The following CCT3 variants were observed in gnomAD, a reference collection of about 807,000 sequenced individuals.
CCT3 encodes T-complex protein 1 subunit gamma.
CCT3 carries 10 observed loss-of-function variants against 65.3 expected under a neutral mutation model. The observed-to-expected ratio is 0.15, with a 90% CI of 0.09 to 0.26. The LOEUF (loss-of-function observed/expected upper bound fraction) is 0.26. Ranked by LOEUF, CCT3 falls within the 10% of genes least tolerant of loss-of-function variation. The probability of loss-of-function intolerance (pLI) is 1.00; values close to 1 mark genes in which losing one functional copy is unlikely to be tolerated. For synonymous variants in CCT3, 225 were observed against 242.3 expected (o/e 0.93, Z 0.66); for missense variants, 626 against 708.7 (o/e 0.88, Z 1.33).
intron 10 of CCT3, among the ~76,000 whole-genome samples, chr1:156,313,906 G>A (rs145100503): frequency 5.8e-4 from 88 of 152,228 alleles, no homozygotes; most frequent in African/African-American, 1.4e-3. Context: ...TGGCCAACAT[G>A]GTGAAAACCC....
chr1:156,319,057 G>A, intron 7 of CCT3, 40 bp from the exon 8 acceptor site: 1 of 1,529,128 alleles, frequency 6.5e-7, no homozygotes, highest in Non-Finnish European at 8.8e-7. Context: ...ACAATCAAGA[G>A]ACAATTTCTT....
At chr1:156,337,507 C>G in intron 1 of CCT3, 1 of 168,910 alleles carries the variant, frequency 5.9e-6, no homozygotes, top group South Asian at 1.2e-4. Context: ...AAGAGTACAA[C>G]GCCGGGGACA....
At position 156,318,716 on chromosome 1, in the gene CCT3, A is replaced by C. The variant is rs1176504912; in HGVS notation, c.759+152T>G. The C allele has an allele frequency of 1.1e-5, 7 of 653,228 alleles. No homozygotes were observed. The African/African-American group carries it at 1.3e-4, about 12-fold the overall frequency. The allele number at this position is 653,228 out of a possible 1,614,324, so 40.5% of individuals were successfully genotyped here. ...TTCAGATCCCTCATCTGTAAAATGA[A>C]ATCAATACCAACTATTCTAAAGGAT... On this transcript the variant is annotated intron_variant, in intron 8 of 13. Coordinates refer to ENST00000295688, the MANE Select transcript of CCT3 (RefSeq NM_005998.5).
Position 156,338,142 on chromosome 1 carries a change from C to T in CCT3, c.31+12G>A. On this transcript the variant is annotated intron_variant, in intron 1 of 13. Coordinates refer to ENST00000295688, the MANE Select transcript of CCT3 (RefSeq NM_005998.5). ...AAAAGGGGGTCCATTTCCTGGCATC[C>T]CCAGAACTCACTGAGCACGAGCACT... The T allele has an allele frequency of 6.3e-7, 1 of 1,583,308 alleles. No individual in the cohort carries two copies.
At position 156,317,157 on chromosome 1, in the gene CCT3, C is replaced by G. The variant is rs373109373; in HGVS notation, c.974+9G>C. The G allele has an allele frequency of 4.9e-5, 79 of 1,611,792 alleles. No individual in the cohort carries two copies. Among genetic ancestry groups the G allele is most frequent in the Non-Finnish European group, 6.3e-5 (74 of 1,177,972 alleles). On this transcript the variant is annotated intron_variant, in intron 10 of 13. Coordinates refer to ENST00000295688, the MANE Select transcript of CCT3 (RefSeq NM_005998.5). ...GAAGAAAAGTCTTGTTTTTACCTGG[C>G]CTACTCACCTAGCAATGCGATTATT...
At chr1:156,310,729 C>T in intron 12 of CCT3, 40 bp from the exon 13 acceptor site, 1 of 1,606,292 alleles carries the variant, frequency 6.2e-7, no homozygotes, top group Non-Finnish European at 8.5e-7. Context: ...AATAAGTTAA[C>T]AGGAAACATC....
chr1:156,329,303 C>CTT (rs765770849), intron 5 of CCT3, among the ~76,000 whole-genome samples: 22,660 of 119,236 alleles, frequency 0.19, 2,369 homozygotes, highest in South Asian at 0.27. Context: ...GTATCCCCAT[C>CTT]TTTTTTTTTT....
At position 156,318,806 on chromosome 1, in the gene CCT3, G is replaced by T. The variant is rs1275968092; in HGVS notation, c.759+62C>A. 12 of 1,533,460 alleles carry T rather than the reference G, an allele frequency of 7.8e-6. No homozygotes were observed. The East Asian group carries it at 2.3e-4, about 29-fold the overall frequency. 95.0% of individuals were successfully genotyped at this position (1,533,460 alleles called of 1,614,324 possible). A position where few individuals can be genotyped will look rare whatever the true frequency, so the allele number is the denominator to read the frequency against. On this transcript the variant is annotated intron_variant, in intron 8 of 13. Transcript: ENST00000295688. ...TGCAATAAACATACGTTTTATTTCT[G>T]TTGTTCATATTTGCAGTCAGATTCT... is the stretch of plus-strand genomic sequence containing the variant.
In CCT3 at chr1:156,334,701, A is replaced by T; in HGVS notation, c.207+12T>A. ...CAGAAAGCAAAAAAACAAAACCAAA[A>T]ACAAAACACACCTCTCGAAGAATGG... On this transcript the variant is annotated intron_variant, in intron 4 of 13. Transcript: ENST00000295688. 3.1e-6 allele frequency: 5 copies of T among 1,613,084 alleles called. No individual in the cohort carries two copies. Among genetic ancestry groups the T allele is most frequent in the Non-Finnish European group, 4.2e-6 (5 of 1,179,396 alleles).
At chr1:156,313,621 C>T (rs1664179951) in intron 10 of CCT3, among the ~76,000 whole-genome samples, 1 of 152,154 alleles carries the variant, frequency 6.6e-6, no homozygotes, top group African/African-American at 2.4e-5. Context: ...ATGCTTTGTC[C>T]TTGAAGTCAG....
chr1:156,326,615 A>T (rs1303908898), intron 5 of CCT3, among the ~76,000 whole-genome samples: 1 of 141,438 alleles, frequency 7.1e-6, no homozygotes, highest in Admixed American at 7.9e-5. Flanking sequence ...GTGCCATTGC[A>T]CTCCAGCCTA....
intron 5 of CCT3, among the ~76,000 whole-genome samples, chr1:156,326,347 A>G (rs144337553): frequency 4.8e-4 from 73 of 151,842 alleles, no homozygotes; most frequent in South Asian, 1.9e-3. Context: ...AAAAAATTAA[A>G]ATTAGAAAAT....
chr1:156,309,369 G>A, intron 13 of CCT3, 66 bp from the exon 14 acceptor site: 2 of 1,049,322 alleles, frequency 1.9e-6, no homozygotes, highest in Non-Finnish European at 3.0e-6. Context: ...CTTTCCTTTA[G>A]ATCTATCACC....
rs1166404427 is a variant in CCT3 at position 156,333,633 on chromosome 1, T to C, written c.218A>G (p.Gln73Arg). 1 of 1,613,862 alleles carries C rather than the reference T, an allele frequency of 6.2e-7. No homozygotes were observed. ...GATCATGGACTTGGCCGCTGGATGC[T>C]GGACTTGAATCTAAAAAGGTAGATC... The part of the protein sequence containing the change: ...GNAILREIQV[Q>R]HPAAKSMIEI... The change falls in exon 5 of 14, where the codon CAG (glutamine) becomes CGG (arginine). Residue 73 changes from glutamine to arginine, a missense_variant. Coordinates refer to ENST00000295688, the MANE Select transcript of CCT3 (RefSeq NM_005998.5).
intron 5 of CCT3, among the ~76,000 whole-genome samples, chr1:156,328,651 GA>G (rs1338014716): frequency 6.6e-6 from 1 of 151,896 alleles, no homozygotes; most frequent in Non-Finnish European, 1.5e-5. Flanking sequence ...ACAGATGCTT[GA>G]AGGCAGCATG....
At chr1:156,320,517 G>A (rs543697254) in intron 7 of CCT3, among the ~76,000 whole-genome samples, 14 of 152,224 alleles carry the variant, frequency 9.2e-5, no homozygotes, top group Non-Finnish European at 1.6e-4. Flanking sequence ...AGAGCCTGAG[G>A]TGGGAAGATC....
chr1:156,321,253 C>T (rs1018858035), intron 6 of CCT3, among the ~76,000 whole-genome samples: 4 of 152,190 alleles, frequency 2.6e-5, no homozygotes, highest in African/African-American at 9.6e-5. Context: ...CCTGAGCAAC[C>T]CTTTACACTT....
chr1:156,325,177 C>T (rs1664747627), intron 5 of CCT3, 88 bp from the exon 6 acceptor site: 1 of 910,484 alleles, frequency 1.1e-6, no homozygotes. Context: ...AAATACTCTC[C>T]TAAATCAGAC....
At chr1:156,310,300 C>T (rs973618249) in intron 13 of CCT3, among the ~76,000 whole-genome samples, 2 of 151,980 alleles carry the variant, frequency 1.3e-5, no homozygotes, top group Admixed American at 1.3e-4. Flanking sequence ...CGAGACCAGC[C>T]TGAACAACAT....
Sources: gnomAD v4.1 joint callset for allele counts (sites outside exome capture counted in the v4.1 genomes callset) on GRCh38, gnomAD v4.1.1 for gene constraint, MANE v1.5 for transcripts, NCBI Gene and HGNC (gene_info 2026-07-23, HGNC 2026-07-21) for gene names.